KLHL13: variants seen among roughly 807,000 people sequenced by gnomAD.
The protein encoded by KLHL13 is kelch like family member 13.
Under a neutral mutation model 37.1 loss-of-function variants are expected in KLHL13, and 10 were observed. That is an observed-to-expected ratio of 0.27 (90% CI 0.17 to 0.46). The LOEUF is 0.46. Among genes scored for constraint, KLHL13 ranks in the 20% least tolerant of loss-of-function variants. KLHL13 has a pLI of 1.00. For synonymous variants in KLHL13, 163 were observed against 181.2 expected (o/e 0.90, Z 0.81); for missense variants, 360 against 509.3 (o/e 0.71, Z 2.82).
chrX:118,093,844 C>T (rs1442670637), intron 1 of KLHL13, among the ~76,000 whole-genome samples: 1 of 108,442 alleles, frequency 9.2e-6, no homozygotes, highest in Non-Finnish European at 1.9e-5. Context: ...GATGTTCCAA[C>T]AGAGTAGGAA....
intron 1 of KLHL13, among the ~76,000 whole-genome samples, chrX:118,093,941 C>T (rs971613592): frequency 1.8e-5 from 2 of 109,192 alleles, no homozygotes; most frequent in African/African-American, 3.3e-5. Flanking sequence ...CAGCTCCCAA[C>T]GTGAGCGACA....
chrX:117,911,324 G>A (rs1028818622), intron 4 of KLHL13, among the ~76,000 whole-genome samples: 8 of 111,868 alleles, frequency 7.2e-5, no homozygotes, highest in African/African-American at 2.6e-4. Context: ...TTACTCCTCC[G>A]CATAAAATGA....
intron 1 of KLHL13, among the ~76,000 whole-genome samples, chrX:118,068,113 G>A (rs2054814404): frequency 9.0e-6 from 1 of 111,232 alleles, no homozygotes; most frequent in South Asian, 3.9e-4. Context: ...ATAATCATAT[G>A]GGACCACAAT....
At chrX:117,959,222 A>C (rs2053250597) in intron 1 of KLHL13, among the ~76,000 whole-genome samples, 1 of 112,294 alleles carries the variant, frequency 8.9e-6, no homozygotes, top group African/African-American at 3.2e-5. Context: ...TTTAGCTGTG[A>C]ATCATTCAGA....
chrX:118,043,416 C>G lies in KLHL13; in HGVS notation c.-56+73092G>C, dbSNP rs1007474617. Among the ~76,000 whole-genome samples the G allele has an allele frequency of 3.6e-5, 4 of 111,351 alleles. No individual in the cohort carries two copies. In the Admixed American group the frequency reaches 3.8e-4, roughly 11 times the overall value. On this transcript the variant is annotated intron_variant, in intron 1 of 6. Coordinates refer to the KLHL13 transcript ENST00000371882. ...GCCAGTATTGCCCTGATACCAAAAC[C>G]AAACAAAGACACATCACAGAAAGAA...
intron 1 of KLHL13, among the ~76,000 whole-genome samples, chrX:118,069,048 T>C (rs2054824546): frequency 9.2e-6 from 1 of 108,298 alleles, no homozygotes; most frequent in African/African-American, 3.4e-5. Context: ...ACTCTGCTGC[T>C]GAGCAAACAG....
chrX:118,017,880 C>A (rs1323482537), intron 1 of KLHL13, among the ~76,000 whole-genome samples: 1 of 111,540 alleles, frequency 9.0e-6, no homozygotes, highest in Non-Finnish European at 1.9e-5. Flanking sequence ...CTATGAAAGA[C>A]TACATTTGGA....
chrX:118,084,863 A>C (rs2055036173), intron 1 of KLHL13, among the ~76,000 whole-genome samples: 1 of 110,105 alleles, frequency 9.1e-6, no homozygotes, highest in Non-Finnish European at 1.9e-5. Flanking sequence ...CCCATTCTAC[A>C]AAAATAGAAA....
chrX:118,040,376 G>T (rs1285319073), intron 1 of KLHL13, among the ~76,000 whole-genome samples: 3 of 111,275 alleles, frequency 2.7e-5, no homozygotes, highest in Admixed American at 9.6e-5. Context: ...CACGGAGAAA[G>T]AATTCAGAAT....
intron 1 of KLHL13, among the ~76,000 whole-genome samples, chrX:118,104,644 G>A (rs777325228): frequency 8.9e-6 from 1 of 111,959 alleles, no homozygotes; most frequent in Non-Finnish European, 1.9e-5. Context: ...ACAGCAATTT[G>A]GAGCTAGACT....
chrX:118,079,992 C>T (rs1163147776), intron 1 of KLHL13, among the ~76,000 whole-genome samples: 2 of 111,554 alleles, frequency 1.8e-5, no homozygotes, highest in African/African-American at 6.5e-5. Context: ...CTACAACCAT[C>T]AGATCTTTGA....
rs1181860068 is a variant in KLHL13, at chrX:118,029,671, TTC to T, written c.-55-84098_-55-84097del. Among the ~76,000 whole-genome samples, 179 of 112,591 alleles carry T rather than the reference TTC, an allele frequency of 1.6e-3. 2 individuals carry two copies. The highest frequency in any genetic ancestry group is 5.6e-3 in the African/African-American group (173 of 31,056). On this transcript the variant is annotated intron_variant, in intron 1 of 6. Coordinates refer to the KLHL13 transcript ENST00000371882. ...AATGCATAATACGCAATTTAGTTTATTCATAAAGTTATGTTGGCTGGGTGCAG... is the reference window on the plus strand; with the variant it reads ...AATGCATAATACGCAATTTAGTTTATATAAAGTTATGTTGGCTGGGTGCAG...
At chrX:118,016,045 C>T (rs2054125234) in intron 1 of KLHL13, among the ~76,000 whole-genome samples, 1 of 112,003 alleles carries the variant, frequency 8.9e-6, no homozygotes, top group Non-Finnish European at 1.9e-5. Flanking sequence ...AAGGACTTAT[C>T]TCCAATGGCT....
At chrX:117,983,356 G>A (rs1470715188) in intron 1 of KLHL13, 1 of 401,985 alleles carries the variant, frequency 2.5e-6, no homozygotes, top group African/African-American at 2.5e-5. Context: ...TAAACACAGT[G>A]CCCTAGCCAT....
chrX:117,989,037 C>G (rs1381927835), intron 1 of KLHL13, among the ~76,000 whole-genome samples: 1 of 111,187 alleles, frequency 9.0e-6, no homozygotes, highest in Non-Finnish European at 1.9e-5. Context: ...TAGAAATAAG[C>G]TAAATGACAT....
intron 4 of KLHL13, among the ~76,000 whole-genome samples, chrX:117,916,400 C>T (rs772374049): frequency 1.2e-4 from 13 of 111,988 alleles, no homozygotes; most frequent in African/African-American, 3.9e-4. Context: ...TCATTGTCCT[C>T]TTTTCCATAA....
chrX:117,903,905 G>T (rs1281123520), intron 5 of KLHL13, among the ~76,000 whole-genome samples: 1 of 111,117 alleles, frequency 9.0e-6, no homozygotes, highest in Non-Finnish European at 1.9e-5. Context: ...AATTCAAACT[G>T]TTCCAATGTG....
At chrX:117,953,715 T>C (rs1268831489) in intron 1 of KLHL13, among the ~76,000 whole-genome samples, 1 of 111,379 alleles carries the variant, frequency 9.0e-6, no homozygotes, top group African/African-American at 3.3e-5. Flanking sequence ...AAATTAAAAA[T>C]AGCAGACAGT....
intron 1 of KLHL13, among the ~76,000 whole-genome samples, chrX:118,108,363 A>G (rs2055368709): frequency 8.9e-6 from 1 of 112,290 alleles, no homozygotes; most frequent in South Asian, 3.7e-4. Flanking sequence ...TGAAAGTGGG[A>G]CTGCAATAAT....
Sources: gnomAD v4.1 joint callset for allele counts (sites outside exome capture counted in the v4.1 genomes callset) on GRCh38, gnomAD v4.1.1 for gene constraint, MANE v1.5 for transcripts, NCBI Gene and HGNC (gene_info 2026-07-23, HGNC 2026-07-21) for gene names.